RANBP2: variants seen among roughly 807,000 people sequenced by gnomAD.
RANBP2 encodes the protein RAN binding protein 2.
A neutral mutation model predicts 303.6 loss-of-function variants in RANBP2; 57 were observed. That is an observed-to-expected ratio of 0.19 (90% CI 0.15 to 0.23). The LOEUF (loss-of-function observed/expected upper bound fraction) is 0.23, where lower values mean the gene tolerates loss of function less well. Ranked by LOEUF, RANBP2 falls within the 10% of genes least tolerant of loss-of-function variation. The probability of loss-of-function intolerance (pLI) is 1.00; values close to 1 mark genes in which losing one functional copy is unlikely to be tolerated. For missense variants in RANBP2, 3,138 were observed against 3,780.8 expected (o/e 0.83, Z 4.46); for synonymous variants, 1,167 against 1,301.5 (o/e 0.90, Z 2.23).
chr2:108,782,022 C>G (rs1678289110), intron 26 of RANBP2, 106 bp from the exon 27 acceptor site: 7 of 1,321,094 alleles, frequency 5.3e-6, no homozygotes, highest in Non-Finnish European at 4.2e-6. Context: ...AACAAATTCT[C>G]TTTGTCATCA....
chr2:109,765,261 T>C, the RANBP2 span, among the ~76,000 whole-genome samples: 2 of 144,658 alleles, frequency 1.4e-5, 1 homozygote, highest in East Asian at 4.5e-4. Context: ...CAAATACACG[T>C]TTAACACTGC....
the RANBP2 span, among the ~76,000 whole-genome samples, chr2:109,032,602 A>T: frequency 6.6e-6 from 1 of 152,032 alleles, no homozygotes; most frequent in Non-Finnish European, 1.5e-5. Context: ...GGGGTGGGGG[A>T]GTCTTTCCTC....
the RANBP2 span, among the ~76,000 whole-genome samples, chr2:109,464,095 G>A: frequency 2.6e-5 from 4 of 152,120 alleles, no homozygotes; most frequent in South Asian, 2.1e-4. Flanking sequence ...CCAGCAGGCC[G>A]GGCTGCAGCA....
chr2:108,942,644 C>T, the RANBP2 span, among the ~76,000 whole-genome samples: 14 of 152,168 alleles, frequency 9.2e-5, no homozygotes, highest in African/African-American at 2.7e-4. Flanking sequence ...CTGCTTTCCA[C>T]GCCAGAGGCC....
the RANBP2 span, chr2:109,419,753 G>A: frequency 9.9e-7 from 1 of 1,006,176 alleles, no homozygotes; most frequent in Non-Finnish European, 1.5e-6. Flanking sequence ...GTTACTAGTT[G>A]GCCAGTATAG....
At chr2:109,002,965 T>C in the RANBP2 span, among the ~76,000 whole-genome samples, 1 of 152,062 alleles carries the variant, frequency 6.6e-6, no homozygotes, top group African/African-American at 2.4e-5. Flanking sequence ...CCCAGCACTT[T>C]GGGAGGCAGA....
At chr2:109,732,699 A>G in the RANBP2 span, 1 of 590,258 alleles carries the variant, frequency 1.7e-6, no homozygotes, top group East Asian at 4.1e-5. Context: ...TGAACTCCTG[A>G]CCTCGTGATC....
chr2:109,129,060 C>A, the RANBP2 span: 2 of 385,336 alleles, frequency 5.2e-6, no homozygotes, highest in Non-Finnish European at 1.0e-5. Flanking sequence ...AGGCCAGGGG[C>A]GCATGGAGGT....
chr2:109,639,601 G>A, the RANBP2 span, among the ~76,000 whole-genome samples: 1 of 151,598 alleles, frequency 6.6e-6, no homozygotes, highest in South Asian at 2.1e-4. Flanking sequence ...CCTGGCAACA[G>A]AGTGAGATTC....
rs201397627 is a variant in RANBP2 at position 108,765,369 on chromosome 2, G to C, written c.4830G>C (p.Trp1610Cys). 2.1e-5 allele frequency: 26 copies of C among 1,223,148 alleles called. No homozygotes were observed. The East Asian group carries it at 5.3e-4, about 25-fold the overall frequency. 75.8% of individuals were successfully genotyped at this position (1,223,148 alleles called of 1,614,324 possible). The change falls in exon 20 of 29, where the codon TGG becomes TGC. Residue 1610 changes from tryptophan (W) to cysteine (C), a missense_variant. This residue lies in a region of RANBP2 where 28 missense variants were observed against 43.2 expected (regional missense o/e 0.65). Transcript: ENST00000283195. ...TGTTCACTAAGAAGGAGGGACAGTG[G>C]GATTGCAGTGTGTGCTTAGTAAGAA... ...EGMFTKKEGQ[W>C]DCSVCLVRNE...
the RANBP2 span, among the ~76,000 whole-genome samples, chr2:109,411,585 A>C: frequency 6.6e-6 from 1 of 152,152 alleles, no homozygotes. Context: ...AGCCACGACC[A>C]GTGTGCCACT....
At chr2:109,258,296 G>T in the RANBP2 span, among the ~76,000 whole-genome samples, 6 of 152,316 alleles carry the variant, frequency 3.9e-5, no homozygotes, top group Non-Finnish European at 5.9e-5. Context: ...TGCAGTGGCC[G>T]CTGTGACAGC....
the RANBP2 span, among the ~76,000 whole-genome samples, chr2:109,377,415 T>C: frequency 6.6e-6 from 1 of 152,096 alleles, no homozygotes; most frequent in Admixed American, 6.5e-5. Flanking sequence ...CGTCAGTGGC[T>C]GTGGTAGGAT....
the RANBP2 span, among the ~76,000 whole-genome samples, chr2:109,439,023 G>A: frequency 2.6e-5 from 4 of 152,168 alleles, no homozygotes; most frequent in Admixed American, 6.5e-5. Context: ...TGTCTGCCCA[G>A]AATAGCCAGT....
At chr2:109,256,496 C>T in the RANBP2 span, among the ~76,000 whole-genome samples, 1 of 152,146 alleles carries the variant, frequency 6.6e-6, no homozygotes, top group South Asian at 2.1e-4. Flanking sequence ...TGAGATCAGT[C>T]ACAAACACTT....
At chr2:109,390,085 C>T in the RANBP2 span, among the ~76,000 whole-genome samples, 1 of 152,188 alleles carries the variant, frequency 6.6e-6, no homozygotes, top group African/African-American at 2.4e-5. Flanking sequence ...CGGAGGGACT[C>T]GCCCAGGATT....
chr2:109,641,324 A>C, the RANBP2 span, among the ~76,000 whole-genome samples: 1 of 152,196 alleles, frequency 6.6e-6, no homozygotes, highest in Non-Finnish European at 1.5e-5. Flanking sequence ...TATTATTCGC[A>C]GTAACTAAAA....
chr2:109,216,909 C>A, the RANBP2 span, among the ~76,000 whole-genome samples: 1 of 152,314 alleles, frequency 6.6e-6, no homozygotes, highest in Non-Finnish European at 1.5e-5. Flanking sequence ...TTCGTCTTCC[C>A]AAACCGAAAT....
At chr2:109,221,126 G>C in the RANBP2 span, among the ~76,000 whole-genome samples, 1 of 152,336 alleles carries the variant, frequency 6.6e-6, no homozygotes, top group East Asian at 1.9e-4. Flanking sequence ...AAGTCATTAT[G>C]CTGAGTGAAA....
Sources: gnomAD v4.1 joint callset for allele counts (sites outside exome capture counted in the v4.1 genomes callset) on GRCh38, gnomAD v4.1.1 for gene constraint, gnomAD v4.1.1 regional missense constraint, MANE v1.5 for transcripts, NCBI Gene and HGNC (gene_info 2026-07-23, HGNC 2026-07-21) for gene names.